The following FLT4 variants were observed in gnomAD, a reference collection of about 807,000 sequenced individuals.
FLT4 encodes vascular endothelial growth factor receptor 3.
Under a neutral mutation model 163.2 loss-of-function variants are expected in FLT4, and 30 were observed. That is an observed-to-expected ratio of 0.18 (90% CI 0.14 to 0.25). FLT4 has a LOEUF of 0.25. Ranked by LOEUF, FLT4 falls within the 10% of genes least tolerant of loss-of-function variation. The probability of loss-of-function intolerance (pLI) is 1.00; values close to 1 mark genes in which losing one functional copy is unlikely to be tolerated. For missense variants in FLT4, 1,510 were observed against 1,863.8 expected, an observed-to-expected ratio of 0.81 and a Z score of 3.50; for synonymous variants, 884 against 789.5, an observed-to-expected ratio of 1.12 and a Z score of -2.01.
In FLT4 at chr5:180,618,787, G is replaced by A. The variant is rs574836127; in HGVS notation, c.2984C>T (p.Ala995Val). ...FSKTEGGARR[A>V]SPDQEAEDLW... ...GCTCTCACCTTCTTGGTCTGGAGAA[G>A]CCCGCCTCGCTCCGCCCTCGGTCTT... Residue 995 changes from alanine (A) to valine (V), a missense_variant, in exon 21 of 30, where the codon GCT (alanine) becomes GTT (valine). Transcript: ENST00000261937. 5.0e-5 allele frequency: 80 copies of A among 1,589,352 alleles called. 1 individual carries two copies. The South Asian group carries it at 8.2e-4, about 16-fold the overall frequency.
At chr5:180,617,085 C>T (rs1762749483) in intron 21 of FLT4, 91 bp from the exon 22 acceptor site, 1 of 886,094 alleles carries the variant, frequency 1.1e-6, no homozygotes, top group Non-Finnish European at 1.9e-6. Flanking sequence ...GCATGTCAGC[C>T]CCTCTCCTGC....
rs2127826346 is a variant in FLT4, at chr5:180,625,855, G to A, written c.1421+14C>T. On this transcript the variant is annotated intron_variant, in intron 10 of 29. Transcript: ENST00000261937. Reference sequence around the variant, plus strand: ...GTGGCTGTGCAGGGGACCTGAGGCTGGAGCTGTACTCACAGACTACGCTGG... The same window carrying A: ...GTGGCTGTGCAGGGGACCTGAGGCTAGAGCTGTACTCACAGACTACGCTGG... 1 of 1,608,814 alleles carries A rather than the reference G, an allele frequency of 6.2e-7. No homozygotes were observed. The highest frequency in any genetic ancestry group is 8.5e-7 in the Non-Finnish European group (1 of 1,179,160).
rs1028987716 is a variant in FLT4, at chr5:180,608,196, G to T, written c.3893+772C>A. ...GTAGTAGATAGCAGTAGAAGAAATA[G>T]CGAAAGTCTTAAAGTCTTTGATCTT... is the stretch of plus-strand genomic sequence containing the variant. On this transcript the variant is annotated intron_variant, in intron 29 of 29. Coordinates refer to ENST00000261937, the MANE Select transcript of FLT4 (RefSeq NM_182925.5). 1.0e-5 allele frequency: 7 copies of T among 700,522 alleles called. No homozygotes were observed. In the African/African-American group the frequency reaches 1.0e-4, roughly 11 times the overall value. 43.4% of individuals were successfully genotyped at this position (700,522 alleles called of 1,614,324 possible).
chr5:180,629,919 G>A, intron 5 of FLT4, 24 bp downstream of exon 5: 2 of 1,612,424 alleles, frequency 1.2e-6, no homozygotes, highest in Non-Finnish European at 1.7e-6. Flanking sequence ...CCCCGTTACT[G>A]GGAACGGGGC....
chr5:180,640,178 C>T (rs1461362811), intron 1 of FLT4, among the ~76,000 whole-genome samples: 4 of 152,282 alleles, frequency 2.6e-5, no homozygotes, highest in African/African-American at 4.8e-5. Context: ...GGGAACGTCC[C>T]ATGGGTTAGG....
rs1037109406 is a variant in FLT4, at chr5:180,610,001, G to A, written c.3711C>T (p.Pro1237=). Residue 1237 remains proline, a synonymous_variant, in exon 28 of 30, where the codon CCC becomes CCT. Transcript: ENST00000261937. The part of the protein sequence containing the change: ...AARYYNWVSF[P]GCLARGAETR... ...TCTCAGCCCCTCTGGCCAGGCACCC[G>A]GGAAAGGACACCCAGTTGTAATACC... The A allele has an allele frequency of 1.2e-5, 20 of 1,614,024 alleles. No homozygotes were observed. The highest frequency in any genetic ancestry group is 1.5e-5 in the Non-Finnish European group (18 of 1,180,008).
chr5:180,617,143 T>C lies in FLT4; in HGVS notation c.3002-149A>G, dbSNP rs939825312. On this transcript the variant is annotated intron_variant, in intron 21 of 29. Transcript: ENST00000261937. ...CATCCTACTCCAGAGCACCCTCTCC[T>C]GCCCCTCAGCCTCTGGGACACCCAC... The C allele has an allele frequency of 5.8e-6, 4 of 687,660 alleles. No homozygotes were observed. In the African/African-American group the frequency reaches 7.2e-5, roughly 12 times the overall value. 42.6% of individuals were successfully genotyped at this position (687,660 alleles called of 1,614,324 possible).
At chr5:180,645,605 G>T (rs1187733817) in intron 1 of FLT4, among the ~76,000 whole-genome samples, 1 of 151,620 alleles carries the variant, frequency 6.6e-6, no homozygotes, top group Admixed American at 6.6e-5. Context: ...CTCACCACCT[G>T]GATCTACCCA....
intron 2 of FLT4, 79 bp downstream of exon 2, chr5:180,631,603 A>C: frequency 8.6e-7 from 1 of 1,164,654 alleles, no homozygotes; most frequent in South Asian, 1.2e-5. Flanking sequence ...GGGGGCTGCC[A>C]TCTGGGCCCA....
Position 180,620,684 on chromosome 5 carries a change from C to G in FLT4, c.2331G>C (p.Val777=). Reference sequence around the variant, plus strand: ...CGATGACGCCGGTACCGACAAGGATCACGATCTCCATGCTGCCCTTATCCT... The same window carrying G: ...CGATGACGCCGGTACCGACAAGGATGACGATCTCCATGCTGCCCTTATCCT... ...GSEDKGSMEI[V]ILVGTGVIAV... is the part of the protein sequence containing the mutation. The change falls in exon 16 of 30, where the codon GTG becomes GTC. Residue 777 remains valine (V), a synonymous_variant. Transcript: ENST00000261937. The surrounding 1 kb of genome is among the most constrained non-coding windows in gnomAD (Gnocchi z 4.4). The G allele has an allele frequency of 6.2e-7, 1 of 1,613,644 alleles. No homozygotes were observed. Among genetic ancestry groups the G allele is most frequent in the Non-Finnish European group, 8.5e-7 (1 of 1,180,012 alleles).
chr5:180,645,652 C>T (rs1173240545), intron 1 of FLT4, among the ~76,000 whole-genome samples: 2 of 152,180 alleles, frequency 1.3e-5, no homozygotes, highest in Admixed American at 6.5e-5. Flanking sequence ...GGGCCTCAGA[C>T]AGGGCCGGGG....
rs770195266 is a variant in FLT4, at chr5:180,608,270, C to T, written c.3893+698G>A. The T allele has an allele frequency of 7.1e-6, 5 of 700,750 alleles. No homozygotes were observed. The South Asian group carries it at 7.4e-5, about 10-fold the overall frequency. 43.4% of individuals were successfully genotyped at this position (700,750 alleles called of 1,614,324 possible). On this transcript the variant is annotated intron_variant, in intron 29 of 29. Coordinates refer to ENST00000261937, the MANE Select transcript of FLT4 (RefSeq NM_182925.5). ...TGCTGACGTATGCTGCCTTCTCTCT[C>T]TCTGCTTCAGCTACCTAAGAGGGAA...
intron 22 of FLT4, among the ~76,000 whole-genome samples, 160 bp from the exon 23 acceptor site, chr5:180,616,649 C>T (rs140245458): frequency 6.6e-6 from 1 of 152,316 alleles, no homozygotes; most frequent in African/African-American, 2.4e-5. Context: ...CAGGACTCAT[C>T]ATGGAGAGAG....
rs983091167 is a variant in FLT4 at position 180,620,488 on chromosome 5, G to C, written c.2406+121C>G. On this transcript the variant is annotated intron_variant, in intron 16 of 29. Coordinates refer to ENST00000261937, the MANE Select transcript of FLT4 (RefSeq NM_182925.5). The surrounding 1 kb of genome is among the most constrained non-coding windows in gnomAD (Gnocchi z 4.4). ...GGAGCCCAGCGTGAAGGGCAGGGAG[G>C]CTTCCCAGGAAACAAGGCTGCCAGG... The C allele has an allele frequency of 1.1e-4, 128 of 1,183,400 alleles. No homozygotes were observed. The highest frequency in any genetic ancestry group is 1.5e-4 in the Non-Finnish European group (123 of 803,040). The allele number at this position is 1,183,400 out of a possible 1,614,324, so 73.3% of individuals were successfully genotyped here.
At chr5:180,631,346 A>T (rs372246118) in intron 2 of FLT4, among the ~76,000 whole-genome samples, 9 of 151,894 alleles carry the variant, frequency 5.9e-5, no homozygotes, top group Non-Finnish European at 1.2e-4. Context: ...GGTGGCGGGC[A>T]CCTGTAGTCC....
At chr5:180,649,803 G>A (rs113544509), upstream of FLT4, among the ~76,000 whole-genome samples, 2 of 152,006 alleles carry the variant, frequency 1.3e-5, no homozygotes, top group African/African-American at 4.8e-5. Flanking sequence ...CGGGGACGCG[G>A]GTAACGCAGA....
rs2127810488 is a variant in FLT4, at chr5:180,620,153, C to T, written c.2542+20G>A. 1 of 1,599,802 alleles carries T rather than the reference C, an allele frequency of 6.3e-7. No homozygotes were observed. The highest frequency in any genetic ancestry group is 8.5e-7 in the Non-Finnish European group (1 of 1,176,598). ...GGTCGGGCAGGAGGTGTGGGTTGGG[C>T]AGGCTGGTGCTGGCCTCACCCAGGT... On this transcript the variant is annotated intron_variant, in intron 17 of 29. Coordinates refer to ENST00000261937, the MANE Select transcript of FLT4 (RefSeq NM_182925.5). The surrounding 1 kb of genome is among the most constrained non-coding windows in gnomAD (Gnocchi z 4.4).
At chr5:180,638,922 C>T (rs1312755568) in intron 1 of FLT4, among the ~76,000 whole-genome samples, 20 of 152,024 alleles carry the variant, frequency 1.3e-4, no homozygotes, top group Admixed American at 1.3e-3. Context: ...CTCTTTCTTA[C>T]CCCACCCCAT....
chr5:180,619,205 G>C lies in FLT4; in HGVS notation c.2761+48C>G, dbSNP rs758805281. 37 of 1,411,322 alleles carry C rather than the reference G, an allele frequency of 2.6e-5. No homozygotes were observed. The East Asian group carries it at 1.1e-3, about 43-fold the overall frequency. The allele number at this position is 1,411,322 out of a possible 1,614,324, so 87.4% of individuals were successfully genotyped here. On this transcript the variant is annotated intron_variant, in intron 19 of 29. Coordinates refer to ENST00000261937, the MANE Select transcript of FLT4 (RefSeq NM_182925.5). Reference sequence around the variant, plus strand: ...ACCCGCGCCCCCTCCCGCCCGCGGCGCCCCGCGCCCGGGGTCTCGCCGTCC... The same window carrying C: ...ACCCGCGCCCCCTCCCGCCCGCGGCCCCCCGCGCCCGGGGTCTCGCCGTCC...
Sources: gnomAD v4.1 joint callset for allele counts (sites outside exome capture counted in the v4.1 genomes callset) on GRCh38, gnomAD v4.1.1 for gene constraint, Gnocchi (gnomAD v3.1) non-coding constraint, MANE v1.5 for transcripts, NCBI Gene and HGNC (gene_info 2026-07-23, HGNC 2026-07-21) for gene names.